MMP21: variants seen among roughly 807,000 people sequenced by gnomAD.
The protein encoded by MMP21 is matrix metalloproteinase-21.
In MMP21, 40 loss-of-function variants were observed where a neutral mutation model predicts 47.8. The observed-to-expected ratio is 0.84, with a 90% CI of 0.65 to 1.09. MMP21 has a LOEUF of 1.09. Among genes scored for constraint, MMP21 ranks in the 50% least tolerant of loss-of-function variants. MMP21 has a pLI of 0.00. For missense variants in MMP21, 747 were observed against 775.3 expected, an observed-to-expected ratio of 0.96 and a Z score of 0.43; for synonymous variants, 341 against 318.0, an observed-to-expected ratio of 1.07 and a Z score of -0.77.
At chr10:125,774,982 G>A (rs1002203966) in intron 1 of MMP21, among the ~76,000 whole-genome samples, 2 of 152,174 alleles carry the variant, frequency 1.3e-5, no homozygotes, top group Non-Finnish European at 1.5e-5. Context: ...ACGCGGCTGC[G>A]GGCCTGGCCA....
In MMP21 at chr10:125,772,363, G is replaced by T. The variant is rs770868108; in HGVS notation, c.838-4C>A. On this transcript the variant is annotated splice_polypyrimidine_tract_variant and splice_region_variant and intron_variant, in intron 3 of 6. Coordinates refer to ENST00000368808, the MANE Select transcript of MMP21 (RefSeq NM_147191.1). This position sits in a 1 kb window ranked among gnomAD's most constrained non-coding sequence, Gnocchi z 5.6. ...GGCCAATTTCATGGACGGCCACCTA[G>T]AAGGGGACACACACCATGGGTGCTG... 4.3e-6 allele frequency: 7 copies of T among 1,613,990 alleles called. No homozygotes were observed. In the South Asian group the frequency reaches 7.7e-5, roughly 18 times the overall value.
Position 125,772,206 on chromosome 10 carries a change from C to A in MMP21, c.979+12G>T. On this transcript the variant is annotated intron_variant, in intron 4 of 6. Coordinates refer to ENST00000368808, the MANE Select transcript of MMP21 (RefSeq NM_147191.1). The surrounding 1 kb of genome is among the most constrained non-coding windows in gnomAD (Gnocchi z 5.6). ...TCCGCTAGCTCAGGGATGCCCTCCG[C>A]AGCAGTCTTACCATACAGCTTTTGA... 1.2e-6 allele frequency: 2 copies of A among 1,613,992 alleles called. No individual in the cohort carries two copies. Among genetic ancestry groups the A allele is most frequent in the Non-Finnish European group, 1.7e-6 (2 of 1,179,900 alleles).
At position 125,773,871 on chromosome 10, in the gene MMP21, G is replaced by A. The variant is rs763362446; in HGVS notation, c.657C>T (p.Ala219=). The A allele has an allele frequency of 6.4e-7, 1 of 1,571,830 alleles. No homozygotes were observed. Among genetic ancestry groups the A allele is most frequent in the Non-Finnish European group, 8.6e-7 (1 of 1,166,110 alleles). Residue 219 remains alanine (A), a synonymous_variant, in exon 2 of 7, where the codon GCC becomes GCT. Coordinates refer to ENST00000368808, the MANE Select transcript of MMP21 (RefSeq NM_147191.1). This position sits in a 1 kb window ranked among gnomAD's most constrained non-coding sequence, Gnocchi z 4.8. ...GCTTGATGTCGACCGCGGCCCCGGG[G>A]GCGGCCAGGTCCTCGCGGAAGTCCA... ...TPLDFREDLA[A]PGAAVDIKLG...
chr10:125,775,537 G>C lies in MMP21; in HGVS notation c.162+123C>G, dbSNP rs1850506794. On this transcript the variant is annotated intron_variant, in intron 1 of 6. Coordinates refer to ENST00000368808, the MANE Select transcript of MMP21 (RefSeq NM_147191.1). Reference sequence around the variant, plus strand: ...CCACTCCTCCCTCTCAGCCCAGCCTGCCTGGCCCTTCTCTGCCTCTGCACA... The same window carrying C: ...CCACTCCTCCCTCTCAGCCCAGCCTCCCTGGCCCTTCTCTGCCTCTGCACA... 7 of 1,290,472 alleles carry C rather than the reference G, an allele frequency of 5.4e-6. No homozygotes were observed. In the South Asian group the frequency reaches 1.2e-4, roughly 22 times the overall value. 79.9% of individuals were successfully genotyped at this position (1,290,472 alleles called of 1,614,324 possible). A position where few individuals can be genotyped will look rare whatever the true frequency, so the allele number is the denominator to read the frequency against.
Position 125,770,444 on chromosome 10 carries a change from T to C in MMP21, c.1127A>G (p.Tyr376Cys). The C allele has an allele frequency of 6.2e-7, 1 of 1,614,206 alleles. No homozygotes were observed. Among genetic ancestry groups the C allele is most frequent in the Non-Finnish European group, 8.5e-7 (1 of 1,180,040 alleles). ...AGTGAGGATTTGGATAGGGTCCCCA[T>C]AGCGTGTCCTATTGTTTCGATTTTC... ...LYENRNNRTR[Y>C]GDPIQILTGW... The change falls in exon 5 of 7, where the codon TAT becomes TGT. Residue 376 changes from tyrosine (Y) to cysteine (C), a missense_variant. Tyr to Cys is a radical substitution (Grantham distance 194). Coordinates refer to ENST00000368808, the MANE Select transcript of MMP21 (RefSeq NM_147191.1).
rs751889257 is a variant in MMP21 at position 125,775,720 on chromosome 10, C to T, written c.102G>A (p.Ser34=). The T allele has an allele frequency of 3.7e-6, 6 of 1,613,566 alleles. No homozygotes were observed. Among genetic ancestry groups the T allele is most frequent in the Non-Finnish European group, 5.1e-6 (6 of 1,179,738 alleles). ...PESLFHSRDR[S]DLEPSPLRQA... ...GGCGCAGTGGGGACGGCTCCAGGTC[C>T]GAGCGGTCCCGGCTGTGGAAGAGAC... Residue 34 remains serine, a synonymous_variant, in exon 1 of 7, where the codon TCG becomes TCA. Transcript: ENST00000368808.
intron 4 of MMP21, among the ~76,000 whole-genome samples, chr10:125,771,233 T>C (rs937311845): frequency 3.9e-5 from 6 of 152,106 alleles, no homozygotes; most frequent in African/African-American, 1.4e-4. Flanking sequence ...CCTTGACACC[T>C]TGATGGCAGT....
rs772346896 is a variant in MMP21, at chr10:125,770,437, G to A, written c.1134C>T (p.Asp378=). The A allele has an allele frequency of 6.2e-7, 1 of 1,614,178 alleles. No individual in the cohort carries two copies. ...ENRNNRTRYG[D]PIQILTGWPG... The stretch of plus-strand genomic sequence containing the variant: ...GCCAGCCAGTGAGGATTTGGATAGG[G>A]TCCCCATAGCGTGTCCTATTGTTTC... Residue 378 remains aspartate (D), a synonymous_variant, in exon 5 of 7, where the codon GAC becomes GAT. Transcript: ENST00000368808.
At chr10:125,769,377 C>T (rs567415080) in intron 5 of MMP21, among the ~76,000 whole-genome samples, 22 of 152,340 alleles carry the variant, frequency 1.4e-4, no homozygotes, top group African/African-American at 4.6e-4. Flanking sequence ...AGTCCAGCCC[C>T]GACCCTGGCA....
chr10:125,774,369 T>TG lies in MMP21; in HGVS notation c.163-5dup. ...AGCCGTATCTGGACAGGAACCGCTG[T>TG]GGGAGAGAAAGGCACCCTAATCTGG... On this transcript the variant is annotated splice_polypyrimidine_tract_variant and splice_region_variant and intron_variant, in intron 1 of 6. Coordinates refer to ENST00000368808, the MANE Select transcript of MMP21 (RefSeq NM_147191.1). The TG allele has an allele frequency of 7.4e-7, 1 of 1,343,958 alleles. No individual in the cohort carries two copies. Among genetic ancestry groups the TG allele is most frequent in the Non-Finnish European group, 9.5e-7 (1 of 1,050,022 alleles). 83.3% of individuals were successfully genotyped at this position (1,343,958 alleles called of 1,614,324 possible).
At chr10:125,767,804 G>T (rs2133780482) in intron 5 of MMP21, 100 bp from the exon 6 acceptor site, 2 of 1,216,950 alleles carry the variant, frequency 1.6e-6, no homozygotes, top group East Asian at 4.7e-5. Flanking sequence ...CCTGTACAAT[G>T]TGTTGCCATG....
rs1393527875 is a variant in MMP21, at chr10:125,766,749, A to G, written c.1623T>C (p.Leu541=). Residue 541 remains leucine (L), a synonymous_variant, in exon 7 of 7, where the codon CTT becomes CTC. Coordinates refer to ENST00000368808, the MANE Select transcript of MMP21 (RefSeq NM_147191.1). The part of the protein sequence containing the change: ...NDKDKQQNSW[L]PANGLFPKKF... ...TTTTTGGAAATAAGCCATTAGCAGG[A>G]AGCCAGGAATTCTGTTGTTTGTCCT... 1 of 1,613,928 alleles carries G rather than the reference A, an allele frequency of 6.2e-7. No individual in the cohort carries two copies. Among genetic ancestry groups the G allele is most frequent in the Middle Eastern group, 1.7e-4 (1 of 6,060 alleles).
chr10:125,775,541 G>T lies in MMP21; in HGVS notation c.162+119C>A. The T allele has an allele frequency of 2.3e-6, 3 of 1,317,632 alleles. No homozygotes were observed. In the South Asian group the frequency reaches 5.0e-5, roughly 22 times the overall value. The allele number at this position is 1,317,632 out of a possible 1,614,324, so 81.6% of individuals were successfully genotyped here. A position where few individuals can be genotyped will look rare whatever the true frequency, so the allele number is the denominator to read the frequency against. On this transcript the variant is annotated intron_variant, in intron 1 of 6. Transcript: ENST00000368808. ...TCCTCCCTCTCAGCCCAGCCTGCCT[G>T]GCCCTTCTCTGCCTCTGCACAGCCG...
chr10:125,767,731 G>T, intron 5 of MMP21, 27 bp from the exon 6 acceptor site: 3 of 1,611,508 alleles, frequency 1.9e-6, no homozygotes. Flanking sequence ...ATACGTTCAT[G>T]TGGTTTATTA....
Position 125,766,728 on chromosome 10 carries a change from T to G in MMP21, c.1644A>C (p.Pro548=). 7 of 1,613,886 alleles carry G rather than the reference T, an allele frequency of 4.3e-6. No homozygotes were observed. Among genetic ancestry groups the G allele is most frequent in the Non-Finnish European group, 5.9e-6 (7 of 1,179,984 alleles). Residue 548 remains proline, a synonymous_variant, in exon 7 of 7, where the codon CCA becomes CCC. Transcript: ENST00000368808. ...ACCACTTCTCTGAAATAAACTTTTTTGGAAATAAGCCATTAGCAGGAAGCC... is the reference window on the plus strand; with the variant it reads ...ACCACTTCTCTGAAATAAACTTTTTGGGAAATAAGCCATTAGCAGGAAGCC... ...NSWLPANGLF[P]KKFISEKWFD...
rs995194938 is a variant in MMP21, at chr10:125,775,591, GCGTGCGCATGTGCCTGTGTGCA to G, written c.162+47_162+68del. ...GGCATCCTGGCCTGTGCCTGTGCGC[GCGTGCGCATGTGCCTGTGTGCA>G]CGTGCACGGGCCTGGGGGTATTGCT... On this transcript the variant is annotated intron_variant, in intron 1 of 6. Transcript: ENST00000368808. The G allele has an allele frequency of 2.8e-5, 41 of 1,489,444 alleles. 1 individual carries two copies. In the South Asian group the frequency reaches 5.1e-4, roughly 18 times the overall value. 92.3% of individuals were successfully genotyped at this position (1,489,444 alleles called of 1,614,324 possible).
rs112306859 is a variant in MMP21 at position 125,767,083 on chromosome 10, A to T, written c.1411-122T>A. On this transcript the variant is annotated intron_variant, in intron 6 of 6. Coordinates refer to ENST00000368808, the MANE Select transcript of MMP21 (RefSeq NM_147191.1). ...AAATTCTTTAGACTTGAACTTCTTA[A>T]TTTTCCATCATGCTCTGCCATTGCT... The T allele has an allele frequency of 1.3e-4, 107 of 793,030 alleles. 1 individual carries two copies. The African/African-American group carries it at 1.6e-3, about 12-fold the overall frequency. The allele number at this position is 793,030 out of a possible 1,614,324, so 49.1% of individuals were successfully genotyped here. A position where few individuals can be genotyped will look rare whatever the true frequency, so the allele number is the denominator to read the frequency against.
chr10:125,775,732 G>T lies in MMP21; in HGVS notation c.90C>A (p.Ser30Arg), dbSNP rs779602268. 4.3e-6 allele frequency: 7 copies of T among 1,613,704 alleles called. No individual in the cohort carries two copies. The Admixed American group carries it at 1.2e-4, about 27-fold the overall frequency. The change falls in exon 1 of 7, where the codon AGC becomes AGA. Residue 30 changes from serine (S) to arginine (R), a missense_variant. Physicochemically the swap from Ser to Arg is moderately radical, Grantham distance 110. Transcript: ENST00000368808. The stretch of plus-strand genomic sequence containing the variant: ...ACGGCTCCAGGTCCGAGCGGTCCCG[G>T]CTGTGGAAGAGACTCTCGGGCTGGG... ...WPTQPESLFH[S>R]RDRSDLEPSP... is the part of the protein sequence containing the mutation.
Position 125,766,729 on chromosome 10 carries a change from G to A in MMP21, c.1643C>T (p.Pro548Leu). 1 of 1,613,236 alleles carries A rather than the reference G, an allele frequency of 6.2e-7. No individual in the cohort carries two copies. Among genetic ancestry groups the A allele is most frequent in the Non-Finnish European group, 8.5e-7 (1 of 1,179,790 alleles). Residue 548 changes from proline to leucine, a missense_variant, in exon 7 of 7, where the codon CCA becomes CTA. By Grantham distance (98) the Pro-to-Leu change is moderately conservative. Transcript: ENST00000368808. ...NSWLPANGLFPKKFISEKWFD... is the reference protein window; with the variant it reads ...NSWLPANGLFLKKFISEKWFD... ...CCACTTCTCTGAAATAAACTTTTTT[G>A]GAAATAAGCCATTAGCAGGAAGCCA...
Sources: allele counts gnomAD v4.1 joint callset (sites outside exome capture counted in the v4.1 genomes callset), GRCh38; gene constraint gnomAD v4.1.1; non-coding constraint Gnocchi (gnomAD v3.1); transcripts MANE v1.5; gene names NCBI Gene and HGNC (gene_info 2026-07-23, HGNC 2026-07-21).